Variants in GNPNAT1 observed in about 807,000 individuals in gnomAD.
GNPNAT1 encodes glucosamine 6-phosphate N-acetyltransferase.
In GNPNAT1, 11 loss-of-function variants were observed where a neutral mutation model predicts 19.8. That is an observed-to-expected ratio of 0.56 (90% CI 0.35 to 0.92). The LOEUF is 0.92. Ranked by LOEUF, GNPNAT1 falls within the 40% of genes least tolerant of loss-of-function variation. The pLI, the probability that GNPNAT1 is intolerant of heterozygous loss-of-function variation, is 0.01. For synonymous variants in GNPNAT1, 71 were observed against 72.3 expected, an observed-to-expected ratio of 0.98 and a Z score of 0.09; for missense variants, 157 against 211.0, an observed-to-expected ratio of 0.74 and a Z score of 1.59.
Position 52,778,476 on chromosome 14 carries a change from G to A in GNPNAT1, c.408-18C>T. On this transcript the variant is annotated intron_variant, in intron 5 of 5. Transcript: ENST00000216410. ...ATAATAACCTGAAATTTAAAAAGGG[G>A]GTAGGGTGAGGAGATAGCATTTATT... 6.3e-7 allele frequency: 1 copy of A among 1,591,394 alleles called. No homozygotes were observed. The highest frequency in any genetic ancestry group is 1.1e-5 in the South Asian group (1 of 88,056).
Position 52,781,896 on chromosome 14 carries a change from A to C in GNPNAT1, c.233T>G (p.Met78Arg). Residue 78 changes from methionine to arginine, a missense_variant, in exon 4 of 6, where the codon ATG becomes AGG. By Grantham distance (91) the Met-to-Arg change is moderately conservative. Transcript: ENST00000216410. ...AACATAATAATCCCCAGATTTCTTC[A>C]TATGCTCAAAAGATTCTGTGGAAAT... is the stretch of plus-strand genomic sequence containing the variant. Reference protein sequence around the residue: ...PEQFMKSFEHMKKSGDYYVTV... With the variant: ...PEQFMKSFEHRKKSGDYYVTV... The C allele has an allele frequency of 6.2e-7, 1 of 1,607,526 alleles. No individual in the cohort carries two copies. The highest frequency in any genetic ancestry group is 8.5e-7 in the Non-Finnish European group (1 of 1,177,668).
intron 1 of GNPNAT1, among the ~76,000 whole-genome samples, chr14:52,787,639 G>A (rs1007529479): frequency 3.9e-5 from 6 of 152,140 alleles, no homozygotes; most frequent in African/African-American, 1.2e-4. Flanking sequence ...TATGTACTAC[G>A]GTAATTAAGC....
chr14:52,777,957 T>A lies in GNPNAT1; in HGVS notation c.*354A>T, dbSNP rs1192905888. 6.4e-6 allele frequency: 1 copy of A among 157,142 alleles called. No homozygotes were observed. Among genetic ancestry groups the A allele is most frequent in the African/African-American group, 2.4e-5 (1 of 41,644 alleles). The allele number at this position is 157,142 out of a possible 1,614,324, so 9.7% of individuals were successfully genotyped here. Reference sequence around the variant, plus strand: ...ACAGCCTTATTCAATGTATACTTTTTTTAAATGAGCAACACAGATAGCAGA... The same window carrying A: ...ACAGCCTTATTCAATGTATACTTTTATTAAATGAGCAACACAGATAGCAGA... On this transcript the variant is annotated 3_prime_UTR_variant, in exon 6 of 6. Coordinates refer to ENST00000216410, the MANE Select transcript of GNPNAT1 (RefSeq NM_198066.4).
At chr14:52,789,864 A>G (rs1225333842) in intron 1 of GNPNAT1, among the ~76,000 whole-genome samples, 1 of 152,096 alleles carries the variant, frequency 6.6e-6, no homozygotes, top group African/African-American at 2.4e-5. Flanking sequence ...TTTTCTGATT[A>G]ACTGCTAAAT....
chr14:52,782,053 A>G (rs2139964701), intron 3 of GNPNAT1, 142 bp from the exon 4 acceptor site: 1 of 654,130 alleles, frequency 1.5e-6, no homozygotes, highest in Non-Finnish European at 2.4e-6. Context: ...TTCTAAAGAA[A>G]ATATTACCAA....
chr14:52,784,388 T>C, intron 2 of GNPNAT1, 109 bp downstream of exon 2: 1 of 818,706 alleles, frequency 1.2e-6, no homozygotes, highest in Non-Finnish European at 1.8e-6. Context: ...CTAAGTATTA[T>C]ACAAAAAATA....
At chr14:52,778,797 G>A (rs953998403) in intron 5 of GNPNAT1, among the ~76,000 whole-genome samples, 9 of 152,050 alleles carry the variant, frequency 5.9e-5, no homozygotes, top group Admixed American at 1.3e-4. Context: ...GCAGGCGATC[G>A]CTAGAGCCCA....
At position 52,775,342 on chromosome 14, in the gene GNPNAT1, C is replaced by T. The variant is rs1041611112; in HGVS notation, c.*2969G>A. 6.6e-5 allele frequency: 10 copies of T among 152,066 alleles called. No individual in the cohort carries two copies. The highest frequency in any genetic ancestry group is 1.9e-4 in the African/African-American group (8 of 41,376). The allele number at this position is 152,066 out of a possible 1,614,324, so 9.4% of individuals were successfully genotyped here. On this transcript the variant is annotated 3_prime_UTR_variant, in exon 6 of 6. Transcript: ENST00000216410. ...AAAATACTTCTTGCTTTTATATTAC[C>T]ATCTTCCCCCATTAGGCCTACCTGC...
chr14:52,790,556 T>G (rs1189111028), intron 1 of GNPNAT1, among the ~76,000 whole-genome samples: 2 of 152,208 alleles, frequency 1.3e-5, no homozygotes, highest in Admixed American at 6.5e-5. Flanking sequence ...CTGGAGCACC[T>G]GGAACTCCCA....
At chr14:52,788,511 G>A (rs1883075975) in intron 1 of GNPNAT1, among the ~76,000 whole-genome samples, 1 of 152,174 alleles carries the variant, frequency 6.6e-6, no homozygotes, top group Non-Finnish European at 1.5e-5. Flanking sequence ...AGGTTTTTGT[G>A]TGTAATCTCA....
At chr14:52,788,534 G>A (rs1319105882) in intron 1 of GNPNAT1, among the ~76,000 whole-genome samples, 1 of 152,174 alleles carries the variant, frequency 6.6e-6, no homozygotes, top group Admixed American at 6.5e-5. Context: ...TGAATGGTAG[G>A]TAGCAACATT....
chr14:52,784,829 A>T (rs973134834), intron 1 of GNPNAT1, among the ~76,000 whole-genome samples, 165 bp from the exon 2 acceptor site: 3 of 152,176 alleles, frequency 2.0e-5, no homozygotes, highest in Non-Finnish European at 2.9e-5. Flanking sequence ...CCACAACTAC[A>T]GATAAATAGA....
rs573174702 is a variant in GNPNAT1 at position 52,785,561 on chromosome 14, T to C, written c.-14-897A>G. On this transcript the variant is annotated intron_variant, in intron 1 of 5. Coordinates refer to ENST00000216410, the MANE Select transcript of GNPNAT1 (RefSeq NM_198066.4). ...AACATGGAGAAACCCCCATCTCTAC[T>C]AAAAATACAAAATTAGTCGGGCGTG... Among the ~76,000 whole-genome samples the C allele has an allele frequency of 1.6e-3, 243 of 151,174 alleles. 2 individuals are homozygous for C. The highest frequency in any genetic ancestry group is 5.6e-3 in the African/African-American group (233 of 41,338).
chr14:52,781,957 T>C (rs1882904241), intron 3 of GNPNAT1, 46 bp from the exon 4 acceptor site: 5 of 1,519,438 alleles, frequency 3.3e-6, no homozygotes, highest in Non-Finnish European at 4.4e-6. Flanking sequence ...ACATTCAATT[T>C]TATGGGGAGC....
At chr14:52,780,957 C>T (rs1048261252) in intron 4 of GNPNAT1, among the ~76,000 whole-genome samples, 1 of 152,068 alleles carries the variant, frequency 6.6e-6, no homozygotes, top group African/African-American at 2.4e-5. Flanking sequence ...AATAGCTGAA[C>T]ATTTCCTTTG....
At chr14:52,787,091 A>G (rs1245884617) in intron 1 of GNPNAT1, among the ~76,000 whole-genome samples, 1 of 151,980 alleles carries the variant, frequency 6.6e-6, no homozygotes, top group African/African-American at 2.4e-5. Context: ...GTTGGCCCTC[A>G]ATAAAGTTTC....
intron 5 of GNPNAT1, among the ~76,000 whole-genome samples, chr14:52,779,201 C>T (rs541954217): frequency 6.6e-6 from 1 of 152,196 alleles, no homozygotes; most frequent in South Asian, 2.1e-4. Context: ...TTTAAAGCTA[C>T]TTTAATATTT....
In GNPNAT1 at chr14:52,776,656, A is replaced by C. The variant is rs1882731501; in HGVS notation, c.*1655T>G. 1 of 152,216 alleles carries C rather than the reference A, an allele frequency of 6.6e-6. No individual in the cohort carries two copies. Among genetic ancestry groups the C allele is most frequent in the Non-Finnish European group, 1.5e-5 (1 of 68,078 alleles). The allele number at this position is 152,216 out of a possible 1,614,324, so 9.4% of individuals were successfully genotyped here. ...CTGCAACCTTTGCCTCCCGGGTTCA[A>C]GCGATTCTCTCGCCTCAGCTTCCTG... On this transcript the variant is annotated 3_prime_UTR_variant, in exon 6 of 6. Coordinates refer to ENST00000216410, the MANE Select transcript of GNPNAT1 (RefSeq NM_198066.4).
chr14:52,781,625 C>G (rs963855619), intron 4 of GNPNAT1, 159 bp downstream of exon 4: 26 of 557,404 alleles, frequency 4.7e-5, no homozygotes, highest in Admixed American at 2.7e-4. Context: ...ACAATTCATA[C>G]TGTTATACAT....
Sources: gnomAD v4.1 joint callset for allele counts (sites outside exome capture counted in the v4.1 genomes callset) on GRCh38, gnomAD v4.1.1 for gene constraint, MANE v1.5 for transcripts, NCBI Gene and HGNC (gene_info 2026-07-23, HGNC 2026-07-21) for gene names.